CDH13: variants seen among roughly 807,000 people sequenced by gnomAD.
CDH13 encodes cadherin-13.
In CDH13, 24 loss-of-function variants were observed where a neutral mutation model predicts 63.8. That is an observed-to-expected ratio of 0.38 (90% CI 0.27 to 0.53). The LOEUF (loss-of-function observed/expected upper bound fraction) is 0.53. Ranked by LOEUF, CDH13 falls within the 20% of genes least tolerant of loss-of-function variation. The pLI, the probability that CDH13 is intolerant of heterozygous loss-of-function variation, is 0.85. For synonymous variants in CDH13, 503 were observed against 355.3 expected (o/e 1.42, Z -4.67); for missense variants, 1,049 against 903.1 (o/e 1.16, Z -2.07).
At chr16:83,086,641 A>G (rs991896670) in intron 3 of CDH13, among the ~76,000 whole-genome samples, 14 of 152,206 alleles carry the variant, frequency 9.2e-5, no homozygotes, top group Non-Finnish European at 1.5e-5. Flanking sequence ...CATTTAAACC[A>G]TGCTTTGAAA....
Position 83,720,745 on chromosome 16 carries a change from G to C in CDH13, c.1539-27363G>C, listed in dbSNP as rs184674601. Among the ~76,000 whole-genome samples the C allele has an allele frequency of 4.9e-3, 742 of 152,340 alleles. 32 individuals carry two copies. Among genetic ancestry groups the C allele is most frequent in the Non-Finnish European group, 1.1e-3 (72 of 68,034 alleles). ...TGAGAAAAGAGGGAATCCGACTCAT[G>C]AGAGCCAGAAATGAAATTGATGCAA... On this transcript the variant is annotated intron_variant, in intron 10 of 13. Coordinates refer to ENST00000567109, the MANE Select transcript of CDH13 (RefSeq NM_001257.5).
chr16:83,702,919 G>T (rs1391389813), intron 10 of CDH13, among the ~76,000 whole-genome samples: 1 of 152,226 alleles, frequency 6.6e-6, no homozygotes, highest in Non-Finnish European at 1.5e-5. Context: ...CTTAGCATAG[G>T]ATGCATGTGG....
chr16:83,456,620 C>T (rs933112658), intron 6 of CDH13, among the ~76,000 whole-genome samples: 8 of 152,180 alleles, frequency 5.3e-5, no homozygotes, highest in South Asian at 2.1e-4. Context: ...CTGAGAAGTC[C>T]GGGGCAGGCT....
chr16:82,775,245 A>G (rs2035442137), intron 1 of CDH13, among the ~76,000 whole-genome samples: 1 of 152,216 alleles, frequency 6.6e-6, no homozygotes, highest in African/African-American at 2.4e-5. Flanking sequence ...CTCAGAACAT[A>G]GTCAAAATGG....
chr16:83,472,557 G>T (rs925523184), intron 6 of CDH13, among the ~76,000 whole-genome samples: 3 of 152,194 alleles, frequency 2.0e-5, no homozygotes, highest in African/African-American at 7.2e-5. Flanking sequence ...ATCCGAGGGA[G>T]CATCTAGTGC....
chr16:82,782,792 G>T lies in CDH13; in HGVS notation c.46-75570G>T, dbSNP rs80042138. ...CCTTACTCCCGCTGCTGGTGAAGCT[G>T]CAGGAATCCTGACAGGAGCAGGCTG... On this transcript the variant is annotated intron_variant, in intron 1 of 13. Coordinates refer to ENST00000567109, the MANE Select transcript of CDH13 (RefSeq NM_001257.5). 6.5e-3 allele frequency among the ~76,000 whole-genome samples: 991 copies of T among 152,290 alleles called. 12 individuals carry two copies. Among genetic ancestry groups the T allele is most frequent in the African/African-American group, 0.023 (942 of 41,556 alleles).
chr16:83,277,324 T>A (rs2089023418), intron 5 of CDH13, among the ~76,000 whole-genome samples: 1 of 152,180 alleles, frequency 6.6e-6, no homozygotes, highest in Admixed American at 6.5e-5. Context: ...GTCAGATAAC[T>A]ATGTTCTCCA....
intron 2 of CDH13, among the ~76,000 whole-genome samples, chr16:82,920,528 C>T (rs1011808468): frequency 6.6e-6 from 1 of 152,206 alleles, no homozygotes; most frequent in Admixed American, 6.5e-5. Context: ...AATGGAGTCA[C>T]CCCATCTGTA....
chr16:83,120,987 C>A (rs2151637227), intron 3 of CDH13, among the ~76,000 whole-genome samples: 1 of 152,206 alleles, frequency 6.6e-6, no homozygotes, highest in South Asian at 2.1e-4. Context: ...TGGTCTCGAA[C>A]TCCTGACCTC....
intron 6 of CDH13, among the ~76,000 whole-genome samples, chr16:83,402,505 T>C (rs1168676650): frequency 3.3e-5 from 5 of 152,220 alleles, no homozygotes; most frequent in Non-Finnish European, 7.3e-5. Flanking sequence ...AAAATTAACA[T>C]ATATTTTGTC....
chr16:83,272,034 C>G (rs1424566213), intron 5 of CDH13, among the ~76,000 whole-genome samples: 1 of 152,164 alleles, frequency 6.6e-6, no homozygotes, highest in African/African-American at 2.4e-5. Context: ...CATTATCTCT[C>G]TTAATTTTCA....
intron 1 of CDH13, among the ~76,000 whole-genome samples, chr16:82,808,886 A>G (rs1173363167): frequency 6.6e-6 from 1 of 152,160 alleles, no homozygotes; most frequent in Non-Finnish European, 1.5e-5. Context: ...CATGATTACA[A>G]GCGTTTCTGT....
chr16:83,317,837 A>G (rs551324204), intron 5 of CDH13, among the ~76,000 whole-genome samples: 17 of 152,060 alleles, frequency 1.1e-4, no homozygotes, highest in South Asian at 8.3e-4. Context: ...TGCCACATCA[A>G]TGCTCCCCAC....
intron 5 of CDH13, among the ~76,000 whole-genome samples, chr16:83,306,034 G>T (rs898784778): frequency 6.6e-6 from 1 of 152,144 alleles, no homozygotes; most frequent in African/African-American, 2.4e-5. Flanking sequence ...ATATTCAGCA[G>T]CATCCCTTTA....
At chr16:83,101,247 G>A (rs932829944) in intron 3 of CDH13, among the ~76,000 whole-genome samples, 1 of 149,972 alleles carries the variant, frequency 6.7e-6, no homozygotes, top group Non-Finnish European at 1.5e-5. Flanking sequence ...TATACTATAA[G>A]TATATATACT....
chr16:83,273,067 GT>G (rs1320574708), intron 5 of CDH13, among the ~76,000 whole-genome samples: 3 of 152,140 alleles, frequency 2.0e-5, no homozygotes, highest in East Asian at 1.9e-4. Context: ...AGCACTTGTT[GT>G]GGGGGGAAGC....
chr16:83,055,227 G>T (rs1412638051), intron 3 of CDH13, among the ~76,000 whole-genome samples: 1 of 151,766 alleles, frequency 6.6e-6, no homozygotes, highest in Non-Finnish European at 1.5e-5. Flanking sequence ...ATAAATCAGA[G>T]AACACCAAAT....
At chr16:83,479,559 A>G (rs1253491177) in intron 6 of CDH13, among the ~76,000 whole-genome samples, 1 of 152,156 alleles carries the variant, frequency 6.6e-6, no homozygotes, top group Non-Finnish European at 1.5e-5. Context: ...CAGGAGGCTG[A>G]GGCAGGAGAA....
chr16:82,955,832 T>C (rs1041108654), intron 2 of CDH13, among the ~76,000 whole-genome samples: 1 of 152,188 alleles, frequency 6.6e-6, no homozygotes, highest in Non-Finnish European at 1.5e-5. Context: ...AAGAAAGAAG[T>C]GGAAAACCTC....
Sources: allele counts gnomAD v4.1 joint callset (sites outside exome capture counted in the v4.1 genomes callset), GRCh38; gene constraint gnomAD v4.1.1; transcripts MANE v1.5; gene names NCBI Gene and HGNC (gene_info 2026-07-23, HGNC 2026-07-21).